The following TSHR variants were observed in gnomAD, a reference collection of about 807,000 sequenced individuals.
TSHR encodes thyroid stimulating hormone receptor.
Under a neutral mutation model 64.1 loss-of-function variants are expected in TSHR, and 51 were observed. The ratio of observed to expected loss-of-function variants is 0.80; its 90% CI spans 0.64 to 1.01. The LOEUF is 1.01. Ranked by LOEUF, TSHR falls within the 50% of genes least tolerant of loss-of-function variation. The pLI is 0.00. For synonymous variants in TSHR, 361 were observed against 361.9 expected (o/e 1.00, Z 0.03); for missense variants, 877 against 942.8 (o/e 0.93, Z 0.91).
intron 1 of TSHR, 69 bp from the exon 2 acceptor site, chr14:81,062,079 A>G: frequency 1.5e-6 from 2 of 1,344,710 alleles, no homozygotes; most frequent in Non-Finnish European, 2.1e-6. Context: ...ATGTGTTTTT[A>G]TAATTAAGGT....
chr14:81,068,390 G>C (rs1228809563), intron 3 of TSHR, 62 bp downstream of exon 3: 2 of 1,532,688 alleles, frequency 1.3e-6, no homozygotes, highest in Non-Finnish European at 1.8e-6. Context: ...TGATAATCTT[G>C]GGGCTCCAGA....
chr14:81,018,046 G>A (rs1883519433), intron 1 of TSHR, among the ~76,000 whole-genome samples: 1 of 151,960 alleles, frequency 6.6e-6, no homozygotes, highest in Non-Finnish European at 1.5e-5. Flanking sequence ...GGCCAGGCTG[G>A]TCTCGAACTC....
At chr14:81,005,135 T>C (rs1191334380) in intron 1 of TSHR, among the ~76,000 whole-genome samples, 1 of 152,098 alleles carries the variant, frequency 6.6e-6, no homozygotes, top group Non-Finnish European at 1.5e-5. Context: ...ACAAATCCAA[T>C]TTGTACTTGT....
At chr14:81,003,194 T>G (rs966781959) in intron 1 of TSHR, 4 of 152,196 alleles carry the variant, frequency 2.6e-5, no homozygotes, top group Non-Finnish European at 5.9e-5. Context: ...CTCCTTCTAC[T>G]TCATTTTCAT....
At chr14:81,086,136 A>G (rs1478854251) in intron 3 of TSHR, among the ~76,000 whole-genome samples, 1 of 152,190 alleles carries the variant, frequency 6.6e-6, no homozygotes, top group Non-Finnish European at 1.5e-5. Flanking sequence ...TGGGGTATAA[A>G]CTGTTGATGC....
chr14:80,991,875 G>A (rs1888742827), intron 1 of TSHR: 1 of 312,150 alleles, frequency 3.2e-6, no homozygotes, highest in African/African-American at 2.1e-5. Flanking sequence ...AGGGCACTAG[G>A]TGAAATTTCT....
intron 9 of TSHR, among the ~76,000 whole-genome samples, chr14:81,142,253 G>A (rs1045057769): frequency 2.0e-5 from 3 of 152,118 alleles, no homozygotes; most frequent in Non-Finnish European, 4.4e-5. Flanking sequence ...GCTAATTTTT[G>A]GATTTTCAGT....
chr14:81,068,394 C>A (rs2139911018), intron 3 of TSHR, 66 bp downstream of exon 3: 1 of 1,477,772 alleles, frequency 6.8e-7, no homozygotes. Flanking sequence ...AATCTTGGGG[C>A]TCCAGATGGC....
At chr14:81,058,024 G>A (rs540860348) in intron 1 of TSHR, among the ~76,000 whole-genome samples, 8 of 152,254 alleles carry the variant, frequency 5.3e-5, no homozygotes, top group Non-Finnish European at 1.0e-4. Context: ...AGTCAACTAA[G>A]CCTAGTATCA....
intron 1 of TSHR, among the ~76,000 whole-genome samples, chr14:81,017,974 T>A (rs1472212521): frequency 6.6e-6 from 1 of 151,758 alleles, no homozygotes; most frequent in Non-Finnish European, 1.5e-5. Flanking sequence ...GGATTACAGG[T>A]ACCTACCACC....
chr14:80,968,139 G>C (rs1256817926), intron 1 of TSHR, among the ~76,000 whole-genome samples: 1 of 152,164 alleles, frequency 6.6e-6, no homozygotes, highest in Non-Finnish European at 1.5e-5. Flanking sequence ...GTGTGGTACA[G>C]GGCTGAGATG....
At chr14:81,068,576 C>A in intron 3 of TSHR, 1 of 470,574 alleles carries the variant, frequency 2.1e-6, no homozygotes, top group Non-Finnish European at 3.9e-6. Flanking sequence ...TGTTCTATTA[C>A]TACTGTGTCA....
At chr14:80,963,777 T>G (rs1046090011) in intron 1 of TSHR, among the ~76,000 whole-genome samples, 4 of 152,202 alleles carry the variant, frequency 2.6e-5, no homozygotes, top group African/African-American at 9.6e-5. Context: ...ACCAGAGAAT[T>G]GTCTGATGAC....
intron 1 of TSHR, among the ~76,000 whole-genome samples, chr14:81,010,502 T>G (rs1232117551): frequency 6.6e-6 from 1 of 152,014 alleles, no homozygotes; most frequent in Admixed American, 6.5e-5. Flanking sequence ...TTTAATGAGC[T>G]TTTTAAATTT....
chr14:80,992,625 G>A (rs1888801309), intron 1 of TSHR: 1 of 152,134 alleles, frequency 6.6e-6, no homozygotes, highest in Admixed American at 6.5e-5. Flanking sequence ...AGCATTTAAT[G>A]AGTGCTTAAC....
intron 1 of TSHR, among the ~76,000 whole-genome samples, chr14:80,990,365 C>T (rs1295805414): frequency 6.6e-6 from 1 of 152,190 alleles, no homozygotes; most frequent in African/African-American, 2.4e-5. Flanking sequence ...CCCATATCGT[C>T]TCATATCTTT....
chr14:81,011,789 T>C (rs539783712), intron 1 of TSHR, among the ~76,000 whole-genome samples: 7 of 152,236 alleles, frequency 4.6e-5, no homozygotes, highest in South Asian at 2.1e-4. Flanking sequence ...TGTTTTCTCC[T>C]GCGGAGATTG....
At chr14:80,959,948 G>A (rs924503216) in intron 1 of TSHR, among the ~76,000 whole-genome samples, 6 of 152,010 alleles carry the variant, frequency 3.9e-5, no homozygotes, top group African/African-American at 7.3e-5. Flanking sequence ...GCATGACTTC[G>A]TACAAATAAG....
At position 81,127,191 on chromosome 14, in the gene TSHR, A is replaced by G. The variant is rs548688775; in HGVS notation, c.693-12488A>G. Among the ~76,000 whole-genome samples, 15 of 152,326 alleles carry G rather than the reference A, an allele frequency of 9.8e-5. No homozygotes were observed. The East Asian group carries it at 2.5e-3, about 25-fold the overall frequency. On this transcript the variant is annotated intron_variant, in intron 8 of 9. Coordinates refer to ENST00000298171, the MANE Select transcript of TSHR (RefSeq NM_000369.5). ...TAGGCACACAGTTCTTCCCAAGTAA[A>G]TGTGGATGGGTACTAAATGTTTTCA...
Sources: allele counts gnomAD v4.1 joint callset (sites outside exome capture counted in the v4.1 genomes callset), GRCh38; gene constraint gnomAD v4.1.1; transcripts MANE v1.5; gene names NCBI Gene and HGNC (gene_info 2026-07-23, HGNC 2026-07-21).